Variants in CSTPP1 observed in about 807,000 individuals in gnomAD.
CSTPP1 encodes the protein UPF0705 protein C11orf49.
chr11:47,161,494 G>A, the CSTPP1 span: 65 of 1,614,008 alleles, frequency 4.0e-5, no homozygotes, highest in East Asian at 5.8e-4. Flanking sequence ...TGGTCAACTC[G>A]GTCACAGCCA....
the CSTPP1 span, chr11:46,936,743 G>A: frequency 4.4e-6 from 7 of 1,598,986 alleles, no homozygotes; most frequent in South Asian, 7.9e-5. Flanking sequence ...GCAACGGAGA[G>A]AGACGGCAAC....
chr11:46,958,647 T>C, the CSTPP1 span, among the ~76,000 whole-genome samples: 195 of 152,290 alleles, frequency 1.3e-3, 2 homozygotes, highest in Non-Finnish European at 4.0e-4. Flanking sequence ...AGATTTATTA[T>C]GGGAATTGGC....
At chr11:47,122,091 A>AAATATATATAT in the CSTPP1 span, among the ~76,000 whole-genome samples, 69 of 31,826 alleles carry the variant, frequency 2.2e-3, 1 homozygote, top group Non-Finnish European at 3.7e-3. Flanking sequence ...AAAAAAAAAA[A>AAATATATATAT]ATATATATAT....
At chr11:47,053,771 G>A in the CSTPP1 span, among the ~76,000 whole-genome samples, 14 of 116,950 alleles carry the variant, frequency 1.2e-4, no homozygotes, top group African/African-American at 3.6e-4. Context: ...CTGAGACTTC[G>A]TCTCTACAAA....
the CSTPP1 span, among the ~76,000 whole-genome samples, chr11:46,939,636 A>G: frequency 4.8e-5 from 4 of 82,940 alleles, no homozygotes; most frequent in Non-Finnish European, 9.8e-5. Flanking sequence ...AAATGCATAG[A>G]TAGATAGATA....
the CSTPP1 span, among the ~76,000 whole-genome samples, chr11:47,113,743 A>G: frequency 6.6e-6 from 1 of 152,138 alleles, no homozygotes; most frequent in Non-Finnish European, 1.5e-5. Flanking sequence ...GATTCTGGAT[A>G]TTAGCCCTTT....
At chr11:46,978,114 T>C in the CSTPP1 span, among the ~76,000 whole-genome samples, 1 of 152,246 alleles carries the variant, frequency 6.6e-6, no homozygotes, top group Non-Finnish European at 1.5e-5. Flanking sequence ...ATGTCTACCA[T>C]GTGAAAGACA....
chr11:47,156,712 C>T, the CSTPP1 span, among the ~76,000 whole-genome samples: 1 of 152,072 alleles, frequency 6.6e-6, no homozygotes, highest in Admixed American at 6.5e-5. Flanking sequence ...ACACAGAAAG[C>T]TCCTCACTGG....
the CSTPP1 span, among the ~76,000 whole-genome samples, chr11:46,954,504 G>A: frequency 4.6e-5 from 7 of 152,014 alleles, no homozygotes; most frequent in South Asian, 6.2e-4. Context: ...AGCCGAGATC[G>A]TACCACTGCA....
At chr11:47,157,160 G>A in the CSTPP1 span, 34 of 1,612,448 alleles carry the variant, frequency 2.1e-5, no homozygotes, top group Middle Eastern at 1.6e-4. Context: ...GCTGGAGGGC[G>A]TGGAGGCGTC....
chr11:46,938,296 C>A, the CSTPP1 span, among the ~76,000 whole-genome samples: 1 of 149,178 alleles, frequency 6.7e-6, no homozygotes, highest in Admixed American at 6.7e-5. Flanking sequence ...ACATTTGTTA[C>A]AATGGATAAA....
chr11:47,058,294 C>T, the CSTPP1 span, among the ~76,000 whole-genome samples: 1 of 152,140 alleles, frequency 6.6e-6, no homozygotes, highest in East Asian at 1.9e-4. Flanking sequence ...CACCACTGCA[C>T]TCAAGCCTGG....
At chr11:47,044,730 C>T in the CSTPP1 span, among the ~76,000 whole-genome samples, 1 of 152,078 alleles carries the variant, frequency 6.6e-6, no homozygotes, top group South Asian at 2.1e-4. Context: ...AGCAACATAG[C>T]GAGCTCCCAT....
At chr11:47,159,403 G>A in the CSTPP1 span, among the ~76,000 whole-genome samples, 2 of 152,092 alleles carry the variant, frequency 1.3e-5, no homozygotes, top group Admixed American at 6.5e-5. Context: ...CCAGCTACTC[G>A]GGAGGCTGAG....
At chr11:47,031,264 C>T in the CSTPP1 span, among the ~76,000 whole-genome samples, 3 of 152,152 alleles carry the variant, frequency 2.0e-5, no homozygotes, top group Admixed American at 6.5e-5. Context: ...GTGCAAACAG[C>T]GTTTGTTACT....
chr11:47,158,001 T>A, the CSTPP1 span: 1 of 1,275,970 alleles, frequency 7.8e-7, no homozygotes, highest in Admixed American at 1.7e-5. Context: ...GCAACACGGC[T>A]CCAGAGGGGA....
chr11:46,993,322 G>C, the CSTPP1 span, among the ~76,000 whole-genome samples: 3 of 150,566 alleles, frequency 2.0e-5, no homozygotes, highest in South Asian at 2.1e-4. Flanking sequence ...GCCCATGCCT[G>C]TCCTGAATGG....
chr11:47,109,121 C>T, the CSTPP1 span: 1 of 152,186 alleles, frequency 6.6e-6, no homozygotes, highest in African/African-American at 2.4e-5. Context: ...CAGACTTTGG[C>T]TTCTTTCACT....
At chr11:46,949,767 A>T in the CSTPP1 span, among the ~76,000 whole-genome samples, 3 of 150,862 alleles carry the variant, frequency 2.0e-5, no homozygotes, top group Admixed American at 2.0e-4. Context: ...TCCTGGGTTC[A>T]TGCAATCAAT....
Sources: gnomAD v4.1 joint callset for allele counts (sites outside exome capture counted in the v4.1 genomes callset) on GRCh38, gnomAD v4.1.1 for gene constraint, MANE v1.5 for transcripts, NCBI Gene and HGNC (gene_info 2026-07-23, HGNC 2026-07-21) for gene names.